Variants in VCF1 observed in about 807,000 individuals in gnomAD.
VCF1 encodes protein VCF1.
At chr17:73,220,170 TA>T in the VCF1 span, among the ~76,000 whole-genome samples, 4 of 152,204 alleles carry the variant, frequency 2.6e-5, no homozygotes, top group South Asian at 4.1e-4. Context: ...AAATAACATT[TA>T]AAAAAATTAT....
chr17:73,207,847 A>G, the VCF1 span: 2 of 1,242,368 alleles, frequency 1.6e-6, no homozygotes, highest in South Asian at 2.8e-5. Context: ...TTAGCAGTGT[A>G]TCCTTTCCGT....
chr17:73,208,328 A>G, the VCF1 span: 1 of 1,613,910 alleles, frequency 6.2e-7, no homozygotes, highest in Non-Finnish European at 8.5e-7. Flanking sequence ...TCCCCCCGGC[A>G]CGCTCCACAG....
the VCF1 span, among the ~76,000 whole-genome samples, chr17:73,231,411 G>A: frequency 6.6e-6 from 1 of 152,008 alleles, no homozygotes; most frequent in Non-Finnish European, 1.5e-5. Flanking sequence ...TTTAAGACCC[G>A]CGTCCCGAGG....
chr17:73,219,955 G>C, the VCF1 span, among the ~76,000 whole-genome samples: 1 of 147,684 alleles, frequency 6.8e-6, no homozygotes, highest in Non-Finnish European at 1.5e-5. Context: ...TAGCCTGGGA[G>C]ACAGAGTGAG....
the VCF1 span, among the ~76,000 whole-genome samples, chr17:73,216,993 G>C: frequency 6.6e-6 from 1 of 152,146 alleles, no homozygotes; most frequent in Non-Finnish European, 1.5e-5. Flanking sequence ...TAAAAAGAGA[G>C]CTATGTGTAT....
the VCF1 span, among the ~76,000 whole-genome samples, chr17:73,217,003 T>A: frequency 6.6e-6 from 1 of 152,208 alleles, no homozygotes; most frequent in African/African-American, 2.4e-5. Context: ...GCTATGTGTA[T>A]ATTATCTAGA....
At chr17:73,220,382 T>C in the VCF1 span, among the ~76,000 whole-genome samples, 517 of 152,322 alleles carry the variant, frequency 3.4e-3, 8 homozygotes, top group Admixed American at 0.026. Flanking sequence ...AATATTAACA[T>C]CAAAAATTTT....
chr17:73,223,701 C>A, the VCF1 span, among the ~76,000 whole-genome samples: 1 of 151,806 alleles, frequency 6.6e-6, no homozygotes, highest in Non-Finnish European at 1.5e-5. Context: ...TCTTAAACAG[C>A]CAGGTTAACA....
the VCF1 span, among the ~76,000 whole-genome samples, chr17:73,214,071 T>C: frequency 6.6e-6 from 1 of 152,220 alleles, no homozygotes; most frequent in African/African-American, 2.4e-5. Flanking sequence ...CAATATGATT[T>C]TGAGAAGATT....
At chr17:73,213,825 C>A in the VCF1 span, among the ~76,000 whole-genome samples, 127 of 152,182 alleles carry the variant, frequency 8.3e-4, no homozygotes, top group African/African-American at 2.9e-3. Flanking sequence ...CAAAAAGTAG[C>A]CGGGCGTGGT....
At chr17:73,212,859 T>C in the VCF1 span, 1 of 603,136 alleles carries the variant, frequency 1.7e-6, no homozygotes, top group Non-Finnish European at 2.8e-6. Context: ...AAGGCAAAAG[T>C]TCTTTAAACA....
chr17:73,232,144 C>A, the VCF1 span: 2 of 1,610,230 alleles, frequency 1.2e-6, no homozygotes, highest in African/African-American at 1.3e-5. Flanking sequence ...GGCGCCGCTC[C>A]GCGAAGAGAG....
At chr17:73,209,590 T>C in the VCF1 span, 1 of 1,584,250 alleles carries the variant, frequency 6.3e-7, no homozygotes, top group Non-Finnish European at 8.6e-7. Flanking sequence ...CAGGGTCTGG[T>C]TGATGTGGAA....
chr17:73,232,090 G>T, the VCF1 span: 11 of 1,605,740 alleles, frequency 6.9e-6, no homozygotes, highest in Middle Eastern at 3.4e-4. Flanking sequence ...TCTCACCTGG[G>T]ACGGAGGCGC....
the VCF1 span, chr17:73,232,304 C>CA: frequency 3.2e-6 from 5 of 1,578,106 alleles, no homozygotes; most frequent in Admixed American, 6.9e-5. Context: ...CGCGCCCCCC[C>CA]ATGTCGCTGC....
chr17:73,229,866 TC>T, the VCF1 span, among the ~76,000 whole-genome samples: 8 of 13,628 alleles, frequency 5.9e-4, no homozygotes, highest in Admixed American at 7.5e-3. Flanking sequence ...AGACTCCATC[TC>T]AAAAAAAAAA....
chr17:73,222,548 C>G, the VCF1 span, among the ~76,000 whole-genome samples: 2 of 151,996 alleles, frequency 1.3e-5, no homozygotes, highest in Non-Finnish European at 2.9e-5. Context: ...AAGGCCAAGG[C>G]GGATGGATCA....
At chr17:73,231,191 G>T in the VCF1 span, among the ~76,000 whole-genome samples, 2 of 152,170 alleles carry the variant, frequency 1.3e-5, no homozygotes, top group South Asian at 4.1e-4. Flanking sequence ...AATAAACTCA[G>T]AATACTTTTG....
the VCF1 span, among the ~76,000 whole-genome samples, chr17:73,219,191 C>CAAAAA: frequency 9.6e-5 from 4 of 41,846 alleles, no homozygotes; most frequent in East Asian, 7.8e-4. Flanking sequence ...AACTCCGTCT[C>CAAAAA]AAAAAAAAAA....
Sources: allele counts gnomAD v4.1 joint callset (sites outside exome capture counted in the v4.1 genomes callset), GRCh38; gene constraint gnomAD v4.1.1; transcripts MANE v1.5; gene names NCBI Gene and HGNC (gene_info 2026-07-23, HGNC 2026-07-21).